Variants in CACNA1A observed in about 807,000 individuals in gnomAD.
The protein encoded by CACNA1A is voltage-dependent P/Q-type calcium channel subunit alpha-1A.
A neutral mutation model predicts 262.4 loss-of-function variants in CACNA1A; 57 were observed. That is an observed-to-expected ratio of 0.22 (90% CI 0.18 to 0.27). The LOEUF is 0.27. Among genes scored for constraint, CACNA1A ranks in the 10% least tolerant of loss-of-function variants. The pLI, the probability that CACNA1A is intolerant of heterozygous loss-of-function variation, is 1.00. For missense variants in CACNA1A, 2,526 were observed against 3,562.8 expected (o/e 0.71, Z 7.41); for synonymous variants, 1,431 against 1,419.3 (o/e 1.01, Z -0.18).
chr19:13,304,440 G>A (rs1421936417), intron 15 of CACNA1A, among the ~76,000 whole-genome samples: 5 of 151,740 alleles, frequency 3.3e-5, no homozygotes, highest in African/African-American at 1.2e-4. Flanking sequence ...ATTAGCCTGG[G>A]CAATATAGCA....
intron 6 of CACNA1A, among the ~76,000 whole-genome samples, chr19:13,352,403 C>CAAAAA (rs202072454): frequency 1.2e-5 from 1 of 82,632 alleles, no homozygotes; most frequent in Non-Finnish European, 2.5e-5. Flanking sequence ...GACTCCATCT[C>CAAAAA]AAAAAAAAAA....
chr19:13,214,698 G>A lies in CACNA1A; in HGVS notation c.5732-90C>T, dbSNP rs2054935559. The A allele has an allele frequency of 5.0e-6, 5 of 995,450 alleles. No individual in the cohort carries two copies. The South Asian group carries it at 5.7e-5, about 11-fold the overall frequency. The allele number at this position is 995,450 out of a possible 1,614,324, so 61.7% of individuals were successfully genotyped here. A position where few individuals can be genotyped will look rare whatever the true frequency, so the allele number is the denominator to read the frequency against. ...TGCAAAGCCATAGGCTCCCGAGAAC[G>A]AGACCCCAATCTTTCTGGTCCCCAT... On this transcript the variant is annotated intron_variant, in intron 38 of 46. Transcript: ENST00000360228. This position sits in a 1 kb window ranked among gnomAD's most constrained non-coding sequence, Gnocchi z 4.1.
At chr19:13,430,586 C>T (rs1056247594) in intron 3 of CACNA1A, among the ~76,000 whole-genome samples, 1 of 152,096 alleles carries the variant, frequency 6.6e-6, no homozygotes, top group East Asian at 1.9e-4. Context: ...GGGCTTGATG[C>T]CCCTGGAAGA....
chr19:13,255,351 A>C, intron 28 of CACNA1A, 92 bp from the exon 29 acceptor site: 74 of 1,220,356 alleles, frequency 6.1e-5, no homozygotes, highest in Non-Finnish European at 7.8e-5. Context: ...CGCGGTTCTC[A>C]AGTGCTTCTG....
chr19:13,306,974 C>T (rs929675866), intron 15 of CACNA1A, among the ~76,000 whole-genome samples: 2 of 151,826 alleles, frequency 1.3e-5, no homozygotes, highest in East Asian at 1.9e-4. Context: ...ACTTTCTTTT[C>T]GTTTTTGAGA....
Position 13,214,910 on chromosome 19 carries a change from C to T in CACNA1A, c.5732-302G>A, listed in dbSNP as rs1280633300. The T allele has an allele frequency of 2.4e-6, 1 of 424,394 alleles. No individual in the cohort carries two copies. The highest frequency in any genetic ancestry group is 4.0e-5 in the East Asian group (1 of 25,298). 26.3% of individuals were successfully genotyped at this position (424,394 alleles called of 1,614,324 possible). ...TGTCTCCCAGTTATCGGCTGCATGA[C>T]TTAGGTTACTCTACCACTTAGTAAC... is the stretch of plus-strand genomic sequence containing the variant. On this transcript the variant is annotated intron_variant, in intron 38 of 46. Coordinates refer to ENST00000360228, the MANE Select transcript of CACNA1A (RefSeq NM_001127222.2). This position sits in a 1 kb window ranked among gnomAD's most constrained non-coding sequence, Gnocchi z 4.1.
intron 2 of CACNA1A, among the ~76,000 whole-genome samples, chr19:13,453,696 C>T (rs1180611645): frequency 6.6e-6 from 1 of 152,190 alleles, no homozygotes; most frequent in Non-Finnish European, 1.5e-5. Context: ...GCTAATCTAT[C>T]ATATTTGAAA....
At chr19:13,367,456 G>A (rs1418285151) in intron 4 of CACNA1A, among the ~76,000 whole-genome samples, 2 of 152,070 alleles carry the variant, frequency 1.3e-5, no homozygotes, top group Non-Finnish European at 2.9e-5. Context: ...GGCCAGGTGT[G>A]GTGGCTCACG....
intron 3 of CACNA1A, among the ~76,000 whole-genome samples, chr19:13,411,164 G>A (rs1292020091): frequency 6.6e-6 from 1 of 152,092 alleles, no homozygotes; most frequent in Non-Finnish European, 1.5e-5. Flanking sequence ...CTAATAGATG[G>A]CCAACACAAT....
chr19:13,286,598 T>G lies in CACNA1A; in HGVS notation c.3458A>C (p.Gln1153Pro), dbSNP rs752542617. 6.7e-7 allele frequency: 1 copy of G among 1,495,464 alleles called. No individual in the cohort carries two copies. The highest frequency in any genetic ancestry group is 2.2e-5 in the Admixed American group (1 of 45,962). 92.6% of individuals were successfully genotyped at this position (1,495,464 alleles called of 1,614,324 possible). Residue 1153 changes from glutamine (Q) to proline (P), a missense_variant, in exon 20 of 47, where the codon CAG (glutamine) becomes CCG (proline). Around this residue, in one of 17 missense-constraint regions of CACNA1A, gnomAD observed 765 missense variants for 748.6 expected, o/e 1.02. Transcript: ENST00000360228. ...SLIVTNPSGT[Q>P]TNSAKTARKP... ...CCTGGCAGTCTTAGCTGAATTGGTC[T>G]GGGTGCCGCTGGGGTTGGTGACGAT...
chr19:13,216,820 GT>G (rs1460901810), intron 38 of CACNA1A, among the ~76,000 whole-genome samples: 2 of 152,128 alleles, frequency 1.3e-5, no homozygotes, highest in Non-Finnish European at 2.9e-5. Flanking sequence ...GAATGTCACT[GT>G]GGGCTGCTAT....
intron 10 of CACNA1A, among the ~76,000 whole-genome samples, chr19:13,318,630 A>G (rs2058180071): frequency 6.6e-6 from 1 of 152,012 alleles, no homozygotes; most frequent in African/African-American, 2.4e-5. Context: ...ATGATGATGG[A>G]TGGGGGCTGG....
intron 3 of CACNA1A, among the ~76,000 whole-genome samples, chr19:13,378,280 C>T (rs2144592201): frequency 6.6e-6 from 1 of 152,252 alleles, no homozygotes; most frequent in East Asian, 1.9e-4. Context: ...GGATTCTACT[C>T]CTGGTGAAAA....
chr19:13,467,393 A>G (rs10409227), intron 1 of CACNA1A, among the ~76,000 whole-genome samples: 26,267 of 151,788 alleles, frequency 0.17, 3,831 homozygotes, highest in African/African-American at 0.38. Context: ...AGGCACGAGG[A>G]TCACTCGAGC....
In CACNA1A at chr19:13,361,761, AT is replaced by A. The variant is rs565376554; in HGVS notation, c.785-1963del. Reference sequence around the variant, plus strand: ...TTATGCTGGACTTGGTACATGAACTATTATTTGATAAATACAGGTTGGAAGG... The same window carrying A: ...TTATGCTGGACTTGGTACATGAACTATATTTGATAAATACAGGTTGGAAGG... On this transcript the variant is annotated intron_variant, in intron 5 of 46. Coordinates refer to ENST00000360228, the MANE Select transcript of CACNA1A (RefSeq NM_001127222.2). 7.2e-5 allele frequency among the ~76,000 whole-genome samples: 11 copies of A among 152,326 alleles called. No individual in the cohort carries two copies. In the East Asian group the frequency reaches 1.5e-3, roughly 21 times the overall value.
At chr19:13,467,293 A>T (rs530402792) in intron 1 of CACNA1A, among the ~76,000 whole-genome samples, 1 of 151,984 alleles carries the variant, frequency 6.6e-6, no homozygotes, top group Non-Finnish European at 1.5e-5. Context: ...ACAAGCCCAT[A>T]TTCTTTTCAT....
At chr19:13,306,732 C>A (rs1251970049) in intron 15 of CACNA1A, 2 of 152,370 alleles carry the variant, frequency 1.3e-5, no homozygotes, top group African/African-American at 4.8e-5. Flanking sequence ...GCCCTAATCA[C>A]CCCAAGGCCA....
intron 3 of CACNA1A, among the ~76,000 whole-genome samples, chr19:13,426,569 G>T (rs2060407039): frequency 6.6e-6 from 1 of 152,180 alleles, no homozygotes; most frequent in African/African-American, 2.4e-5. Context: ...TACTGCAAAA[G>T]ATGAAGCAGG....
chr19:13,335,844 G>T lies in CACNA1A; in HGVS notation c.1044C>A (p.Ser348=). 6.2e-7 allele frequency: 1 copy of T among 1,611,182 alleles called. No individual in the cohort carries two copies. Among genetic ancestry groups the T allele is most frequent in the Non-Finnish European group, 8.5e-7 (1 of 1,178,652 alleles). ...LYFIPLIIIG[S]FFMLNLVLGV... ...CCAGCACAAGGTTCAGCATAAAAAA[G>T]GAGCCGATGATGATGAGGGGGATGA... The change falls in exon 7 of 47, where the codon TCC becomes TCA. Residue 348 remains serine (S), a synonymous_variant. Transcript: ENST00000360228.
Sources: gnomAD v4.1 joint callset for allele counts (sites outside exome capture counted in the v4.1 genomes callset) on GRCh38, gnomAD v4.1.1 for gene constraint, gnomAD v4.1.1 regional missense constraint, Gnocchi (gnomAD v3.1) non-coding constraint, MANE v1.5 for transcripts, NCBI Gene and HGNC (gene_info 2026-07-23, HGNC 2026-07-21) for gene names.